ADAP2: variants seen among roughly 807,000 people sequenced by gnomAD.
The protein encoded by ADAP2 is arf-GAP with dual PH domain-containing protein 2.
ADAP2 carries 42 observed loss-of-function variants against 54.9 expected under a neutral mutation model. The ratio of observed to expected loss-of-function variants is 0.77; its 90% confidence interval spans 0.60 to 0.99. The LOEUF (loss-of-function observed/expected upper bound fraction) is 0.99, where lower values mean the gene tolerates loss of function less well. Ranked by LOEUF, ADAP2 falls within the 50% of genes least tolerant of loss-of-function variation. The pLI, the probability that ADAP2 is intolerant of heterozygous loss-of-function variation, is 0.00. For missense variants in ADAP2, 429 were observed against 480.4 expected, an observed-to-expected ratio of 0.89 and a Z score of 1.00; for synonymous variants, 177 against 180.1, an observed-to-expected ratio of 0.98 and a Z score of 0.14.
chr17:30,929,601 T>C (rs1267461837), intron 3 of ADAP2, among the ~76,000 whole-genome samples: 4 of 152,252 alleles, frequency 2.6e-5, no homozygotes, highest in Admixed American at 2.6e-4. Flanking sequence ...TCTGATCTTG[T>C]GTCCCAGGGT....
intron 6 of ADAP2, among the ~76,000 whole-genome samples, chr17:30,947,404 A>G (rs1227025976): frequency 1.3e-5 from 2 of 151,982 alleles, no homozygotes; most frequent in Non-Finnish European, 1.5e-5. Flanking sequence ...CCCAGACTGG[A>G]GTGCAGTGGT....
Position 30,931,957 on chromosome 17 carries a change from T to A in ADAP2, c.386T>A (p.Ile129Asn), listed in dbSNP as rs746161141. Residue 129 changes from isoleucine (I) to asparagine (N), a missense_variant, in exon 4 of 11, where the codon ATC becomes AAC. Transcript: ENST00000330889. ...GAATTTATGGCTGATGGGGAAACCA[T>A]CTCGCTCCCAGGTAAAGTTATTTCC... The part of the protein sequence containing the change: ...RREFMADGET[I>N]SLPGNREGFL... 4.3e-6 allele frequency: 7 copies of A among 1,613,786 alleles called. No individual in the cohort carries two copies. In the East Asian group the frequency reaches 1.6e-4, roughly 36 times the overall value.
chr17:30,953,168 T>A, intron 7 of ADAP2, 120 bp from the exon 8 acceptor site: 2 of 817,258 alleles, frequency 2.4e-6, no homozygotes, highest in South Asian at 2.9e-5. Flanking sequence ...TATAATACTG[T>A]GAGCCATGAG....
chr17:30,953,896 C>T (rs766320577), intron 8 of ADAP2, among the ~76,000 whole-genome samples: 5 of 151,296 alleles, frequency 3.3e-5, no homozygotes, highest in Non-Finnish European at 7.4e-5. Context: ...TTTTTTGGCT[C>T]ATCAGCTATC....
At chr17:30,942,139 C>T (rs565082444) in intron 5 of ADAP2, among the ~76,000 whole-genome samples, 2 of 152,100 alleles carry the variant, frequency 1.3e-5, no homozygotes, top group Non-Finnish European at 2.9e-5. Flanking sequence ...CTCTCAACCT[C>T]GTGATCCACC....
At chr17:30,923,758 C>T (rs1201197739) in intron 2 of ADAP2, among the ~76,000 whole-genome samples, 1 of 132,718 alleles carries the variant, frequency 7.5e-6, no homozygotes, top group African/African-American at 2.9e-5. Context: ...TGGAGTGCAA[C>T]GGCCAATCTC....
intron 6 of ADAP2, 72 bp from the exon 7 acceptor site, chr17:30,949,215 C>G (rs966232994): frequency 2.3e-6 from 3 of 1,315,646 alleles, no homozygotes; most frequent in African/African-American, 2.9e-5. Context: ...GCTAGCTTCC[C>G]GCCACCAGAG....
chr17:30,954,336 C>A, intron 8 of ADAP2, 142 bp from the exon 9 acceptor site: 1 of 711,660 alleles, frequency 1.4e-6, no homozygotes, highest in South Asian at 1.6e-5. Flanking sequence ...CAGGGAGAAG[C>A]ACTAGGATGT....
chr17:30,944,141 G>A (rs774677808), intron 5 of ADAP2, among the ~76,000 whole-genome samples: 6 of 152,074 alleles, frequency 3.9e-5, no homozygotes, highest in Admixed American at 1.3e-4. Flanking sequence ...GCAGTGAGCC[G>A]AGATCACGCC....
At chr17:30,932,118 T>C in intron 4 of ADAP2, 150 bp downstream of exon 4, 3 of 655,310 alleles carry the variant, frequency 4.6e-6, no homozygotes, top group Non-Finnish European at 7.9e-6. Context: ...CTTCTGACTT[T>C]GAAATAACAA....
intron 7 of ADAP2, among the ~76,000 whole-genome samples, chr17:30,949,766 A>C (rs796784305): frequency 6.6e-6 from 1 of 151,410 alleles, no homozygotes; most frequent in Non-Finnish European, 1.5e-5. Context: ...AAAAAAAAAA[A>C]AAAGAAGAAG....
chr17:30,954,204 CT>C, intron 8 of ADAP2: 1 of 331,798 alleles, frequency 3.0e-6, no homozygotes, highest in Non-Finnish European at 5.6e-6. Context: ...TGTCTACAGC[CT>C]GAAAAAGAGG....
chr17:30,941,888 A>G (rs1000095516), intron 5 of ADAP2, among the ~76,000 whole-genome samples: 2 of 151,916 alleles, frequency 1.3e-5, no homozygotes, highest in Non-Finnish European at 2.9e-5. Flanking sequence ...ACATGGGTAT[A>G]TACATTTGTC....
chr17:30,924,964 T>C (rs1382917555), intron 2 of ADAP2, among the ~76,000 whole-genome samples: 1 of 150,220 alleles, frequency 6.7e-6, no homozygotes, highest in Non-Finnish European at 1.5e-5. Context: ...CCTCTGCCTC[T>C]GGGGTTCAAG....
At chr17:30,925,567 C>CTCTTTTCTTT (rs747916481) in intron 2 of ADAP2, among the ~76,000 whole-genome samples, 5 of 148,028 alleles carry the variant, frequency 3.4e-5, no homozygotes, top group Admixed American at 1.4e-4. Flanking sequence ...TCTTCTTCTT[C>CTCTTTTCTTT]TCTTTTCTTT....
chr17:30,941,410 G>A (rs992903826), intron 5 of ADAP2, among the ~76,000 whole-genome samples: 2 of 152,128 alleles, frequency 1.3e-5, no homozygotes, highest in Non-Finnish European at 1.5e-5. Context: ...ATTTGTCCCC[G>A]TAAACTTTTC....
chr17:30,941,968 C>A (rs972295093), intron 5 of ADAP2, among the ~76,000 whole-genome samples: 1 of 151,504 alleles, frequency 6.6e-6, no homozygotes, highest in African/African-American at 2.4e-5. Context: ...TGCAGTGGTG[C>A]GATCTTGGCT....
intron 7 of ADAP2, 152 bp from the exon 8 acceptor site, chr17:30,953,136 T>C (rs1332659524): frequency 4.6e-6 from 3 of 654,790 alleles, no homozygotes; most frequent in Non-Finnish European, 8.1e-6. Flanking sequence ...ATATTAATAT[T>C]ATGACCATTG....
At chr17:30,946,170 A>C (rs891400543) in intron 6 of ADAP2, among the ~76,000 whole-genome samples, 1 of 152,010 alleles carries the variant, frequency 6.6e-6, no homozygotes, top group Non-Finnish European at 1.5e-5. Context: ...AACAAAAAAA[A>C]CAAAAAAACT....
Sources: gnomAD v4.1 joint callset for allele counts (sites outside exome capture counted in the v4.1 genomes callset) on GRCh38, gnomAD v4.1.1 for gene constraint, MANE v1.5 for transcripts, NCBI Gene and HGNC (gene_info 2026-07-23, HGNC 2026-07-21) for gene names.